Variants in EVA1C observed in about 807,000 individuals in gnomAD.
EVA1C encodes protein eva-1 homolog C.
A neutral mutation model predicts 45.4 loss-of-function variants in EVA1C; 25 were observed. The observed-to-expected ratio is 0.55, with a 90% CI of 0.40 to 0.77. The LOEUF is 0.77. Among genes scored for constraint, EVA1C ranks in the 30% least tolerant of loss-of-function variants. The pLI is 0.00. For missense variants in EVA1C, 479 were observed against 554.8 expected, an observed-to-expected ratio of 0.86 and a Z score of 1.37; for synonymous variants, 190 against 221.2, an observed-to-expected ratio of 0.86 and a Z score of 1.25.
intron 7 of EVA1C, among the ~76,000 whole-genome samples, chr21:32,507,895 ATG>A (rs915185692): frequency 1.0e-4 from 13 of 129,482 alleles, no homozygotes; most frequent in South Asian, 2.4e-4. Flanking sequence ...GTATCTGTGC[ATG>A]TGTGTATCTG....
At chr21:32,494,946 T>C (rs1165812301) in intron 4 of EVA1C, 81 bp from the exon 5 acceptor site, 9 of 1,397,998 alleles carry the variant, frequency 6.4e-6, no homozygotes, top group Non-Finnish European at 8.9e-6. Flanking sequence ...TCAGCATATT[T>C]ATTTACAGAG....
At chr21:32,454,242 T>G (rs911575019) in intron 2 of EVA1C, among the ~76,000 whole-genome samples, 2 of 152,042 alleles carry the variant, frequency 1.3e-5, no homozygotes, top group African/African-American at 4.8e-5. Context: ...AAAAAGAAAA[T>G]GTATTCAAGG....
chr21:32,436,045 T>C (rs2034935576), intron 1 of EVA1C, among the ~76,000 whole-genome samples: 1 of 151,626 alleles, frequency 6.6e-6, no homozygotes, highest in Admixed American at 6.6e-5. Flanking sequence ...TCAGCTGTTT[T>C]TTGTTTGTTT....
chr21:32,458,249 A>G (rs967677639), intron 3 of EVA1C, among the ~76,000 whole-genome samples: 11 of 152,256 alleles, frequency 7.2e-5, no homozygotes, highest in African/African-American at 2.4e-4. Context: ...GGCTGGAGCC[A>G]TCTCTTTTAT....
chr21:32,413,388 C>T (rs2033908862), intron 1 of EVA1C, among the ~76,000 whole-genome samples: 1 of 152,230 alleles, frequency 6.6e-6, no homozygotes, highest in Non-Finnish European at 1.5e-5. Context: ...CGTTGCGCCG[C>T]GTTTGTCACC....
intron 4 of EVA1C, among the ~76,000 whole-genome samples, chr21:32,489,317 A>G (rs548325290): frequency 6.6e-6 from 1 of 152,116 alleles, no homozygotes; most frequent in Admixed American, 6.5e-5. Flanking sequence ...TGGATATTTA[A>G]TTTTTCCAAA....
At chr21:32,482,501 C>T (rs1411858617) in intron 4 of EVA1C, among the ~76,000 whole-genome samples, 2 of 152,192 alleles carry the variant, frequency 1.3e-5, no homozygotes, top group Non-Finnish European at 2.9e-5. Context: ...ACATGAGCTT[C>T]CTGCCTTCCC....
At chr21:32,432,299 C>A (rs1255239957) in intron 1 of EVA1C, among the ~76,000 whole-genome samples, 2 of 152,016 alleles carry the variant, frequency 1.3e-5, no homozygotes, top group Non-Finnish European at 2.9e-5. Flanking sequence ...ATTGCAGAAG[C>A]CGTCATCAGC....
At chr21:32,434,627 A>T (rs2034861071) in intron 1 of EVA1C, among the ~76,000 whole-genome samples, 1 of 107,398 alleles carries the variant, frequency 9.3e-6, no homozygotes, top group Non-Finnish European at 1.8e-5. Context: ...TAAATAAATA[A>T]ATAAAATTTT....
intron 1 of EVA1C, among the ~76,000 whole-genome samples, chr21:32,444,021 G>A (rs1293253627): frequency 6.6e-6 from 1 of 151,128 alleles, no homozygotes; most frequent in African/African-American, 2.4e-5. Context: ...GCCACAGCCA[G>A]CAACTCCCAC....
chr21:32,510,428 G>C (rs1439549859), intron 7 of EVA1C, among the ~76,000 whole-genome samples: 1 of 152,136 alleles, frequency 6.6e-6, no homozygotes, highest in Non-Finnish European at 1.5e-5. Flanking sequence ...TTTTAAGTCA[G>C]GCAGTGATGT....
intron 5 of EVA1C, among the ~76,000 whole-genome samples, chr21:32,498,997 A>G (rs1334671253): frequency 6.6e-6 from 1 of 152,204 alleles, no homozygotes; most frequent in Non-Finnish European, 1.5e-5. Context: ...AGCCATTTTC[A>G]CATAGTAGAA....
chr21:32,494,961 C>G, intron 4 of EVA1C, 66 bp from the exon 5 acceptor site: 1 of 1,481,090 alleles, frequency 6.8e-7, no homozygotes, highest in East Asian at 2.3e-5. Flanking sequence ...ACAGAGAATG[C>G]TGTAGGCTAT....
intron 5 of EVA1C, chr21:32,496,822 G>T: frequency 2.4e-6 from 2 of 826,252 alleles, no homozygotes; most frequent in Admixed American, 3.4e-5. Context: ...GTATATTCTA[G>T]TGAAAGGAGA....
intron 1 of EVA1C, among the ~76,000 whole-genome samples, chr21:32,425,962 CT>C (rs11313843): frequency 0.14 from 21,632 of 149,416 alleles, 1,766 homozygotes; most frequent in East Asian, 0.24. Flanking sequence ...AAAGTGAACA[CT>C]TTTTTTTTTT....
intron 7 of EVA1C, among the ~76,000 whole-genome samples, chr21:32,511,055 C>A (rs62214678): frequency 0.024 from 3,582 of 151,056 alleles, 237 homozygotes; most frequent in East Asian, 0.2. Context: ...CTCTCTCTCT[C>A]TCTATCTATA....
chr21:32,477,020 C>T (rs766481202), intron 4 of EVA1C, among the ~76,000 whole-genome samples: 8 of 152,210 alleles, frequency 5.3e-5, no homozygotes, highest in Admixed American at 1.3e-4. Context: ...GCTTCCCAAC[C>T]GCCCCATCAT....
intron 4 of EVA1C, among the ~76,000 whole-genome samples, chr21:32,493,236 A>G (rs1039094743): frequency 1.3e-5 from 2 of 152,150 alleles, no homozygotes; most frequent in African/African-American, 4.8e-5. Flanking sequence ...CCCTCAATGT[A>G]CATTCTTAAA....
chr21:32,454,820 T>G (rs2035719718), intron 2 of EVA1C, among the ~76,000 whole-genome samples: 1 of 152,160 alleles, frequency 6.6e-6, no homozygotes, highest in Non-Finnish European at 1.5e-5. Flanking sequence ...GATGTAAGAA[T>G]TTTTCTATTT....
Sources: allele counts gnomAD v4.1 joint callset (sites outside exome capture counted in the v4.1 genomes callset), GRCh38; gene constraint gnomAD v4.1.1; transcripts MANE v1.5; gene names NCBI Gene and HGNC (gene_info 2026-07-23, HGNC 2026-07-21).